SLC30A9: variants seen among roughly 807,000 people sequenced by gnomAD.
SLC30A9 encodes the protein proton-coupled zinc antiporter SLC30A9, mitochondrial.
SLC30A9 carries 58 observed loss-of-function variants against 87.5 expected under a neutral mutation model. The ratio of observed to expected loss-of-function variants is 0.66; its 90% CI spans 0.54 to 0.82. The LOEUF (loss-of-function observed/expected upper bound fraction) is 0.82, where lower values mean the gene tolerates loss of function less well. SLC30A9 is among the 40% of genes least tolerant of loss of function. SLC30A9 has a pLI of 0.00. For missense variants in SLC30A9, 557 were observed against 679.1 expected (o/e 0.82, Z 2.00); for synonymous variants, 234 against 233.0 (o/e 1.00, Z -0.04).
chr4:41,992,470 A>C (rs1258891843), intron 1 of SLC30A9, among the ~76,000 whole-genome samples: 2 of 152,242 alleles, frequency 1.3e-5, no homozygotes, highest in African/African-American at 4.8e-5. Context: ...CTGAAATTAC[A>C]GTGGCTGTTA....
chr4:42,049,659 G>A (rs1158553554), intron 9 of SLC30A9, among the ~76,000 whole-genome samples, 180 bp downstream of exon 9: 1 of 152,166 alleles, frequency 6.6e-6, no homozygotes, highest in African/African-American at 2.4e-5. Context: ...AAAGCAGATT[G>A]TTATGCTTTA....
At chr4:42,016,398 C>T (rs1167822394) in intron 2 of SLC30A9, among the ~76,000 whole-genome samples, 1 of 152,060 alleles carries the variant, frequency 6.6e-6, no homozygotes, top group Admixed American at 6.5e-5. Context: ...AAGAACTTCA[C>T]TGTCTTGATC....
intron 17 of SLC30A9, among the ~76,000 whole-genome samples, chr4:42,084,837 C>G (rs1260390149): frequency 1.3e-5 from 2 of 152,150 alleles, no homozygotes; most frequent in Non-Finnish European, 2.9e-5. Flanking sequence ...TCTGTGGTAG[C>G]CGAGTGTTGT....
intron 4 of SLC30A9, among the ~76,000 whole-genome samples, chr4:42,021,215 A>C (rs1320173246): frequency 6.6e-6 from 1 of 152,162 alleles, no homozygotes; most frequent in Non-Finnish European, 1.5e-5. Context: ...TTCTGACACA[A>C]ATTTTGTGAA....
chr4:42,073,949 T>A (rs980874281), intron 15 of SLC30A9, among the ~76,000 whole-genome samples: 4 of 152,182 alleles, frequency 2.6e-5, no homozygotes, highest in African/African-American at 9.7e-5. Context: ...TAGTTATATG[T>A]AAGAACATAA....
chr4:42,051,768 G>A (rs968798756), intron 9 of SLC30A9, among the ~76,000 whole-genome samples: 2 of 152,102 alleles, frequency 1.3e-5, no homozygotes, highest in African/African-American at 4.8e-5. Flanking sequence ...AATATCAAGA[G>A]TATTCTGTCA....
chr4:42,005,344 A>T lies in SLC30A9; in HGVS notation c.274+3564A>T, dbSNP rs534704662. 5.3e-5 allele frequency among the ~76,000 whole-genome samples: 8 copies of T among 152,274 alleles called. No homozygotes were observed. In the South Asian group the frequency reaches 1.2e-3, roughly 24 times the overall value. The stretch of plus-strand genomic sequence containing the variant: ...ATTCAGTTCTCTGCTTTAGATTTAC[A>T]TTGTGAATTCAGACTGTAACTTGTG... On this transcript the variant is annotated intron_variant, in intron 2 of 17. Transcript: ENST00000264451.
intron 6 of SLC30A9, among the ~76,000 whole-genome samples, chr4:42,023,951 A>G (rs1716082002): frequency 6.6e-6 from 1 of 152,112 alleles, no homozygotes; most frequent in Non-Finnish European, 1.5e-5. Context: ...TGAGAACAGT[A>G]TGGGGGAGAC....
Position 42,078,257 on chromosome 4 carries a change from C to A in SLC30A9, c.1594C>A (p.Leu532Ile). The change falls in exon 17 of 18, where the codon CTT (leucine) becomes ATT (isoleucine). Residue 532 changes from leucine (L) to isoleucine (I), a missense_variant. Coordinates refer to ENST00000264451, the MANE Select transcript of SLC30A9 (RefSeq NM_006345.4). ...KTPEELETFM[L>I]KHGENIIDTL... ...TCCTGAAGAACTAGAGACCTTTATG[C>A]TTAAACATGGAGAAAATATTATTGA... 6.3e-7 allele frequency: 1 copy of A among 1,585,800 alleles called. No individual in the cohort carries two copies. Among genetic ancestry groups the A allele is most frequent in the Non-Finnish European group, 8.6e-7 (1 of 1,161,492 alleles).
At chr4:42,024,867 T>A (rs1716121302) in intron 6 of SLC30A9, among the ~76,000 whole-genome samples, 1 of 152,242 alleles carries the variant, frequency 6.6e-6, no homozygotes, top group South Asian at 2.1e-4. Flanking sequence ...AATTTTTATA[T>A]GTTTTGTTCA....
chr4:42,047,712 A>C (rs758410206), intron 8 of SLC30A9, among the ~76,000 whole-genome samples: 55 of 152,258 alleles, frequency 3.6e-4, no homozygotes, highest in Non-Finnish European at 6.2e-4. Flanking sequence ...CATTTGATCC[A>C]GCAGTCCCAT....
At chr4:42,084,127 T>C (rs1180170670) in intron 17 of SLC30A9, among the ~76,000 whole-genome samples, 7 of 152,336 alleles carry the variant, frequency 4.6e-5, no homozygotes, top group Non-Finnish European at 1.0e-4. Context: ...CTTTTTATTT[T>C]TGCAATTTTT....
chr4:42,005,367 G>C (rs1715158180), intron 2 of SLC30A9, among the ~76,000 whole-genome samples: 1 of 152,182 alleles, frequency 6.6e-6, no homozygotes, highest in African/African-American at 2.4e-5. Flanking sequence ...ACTGTAACTT[G>C]TGTTAGGGTT....
In SLC30A9 at chr4:42,038,928, TAC is replaced by T. The variant is rs1233291655; in HGVS notation, c.670-56_670-55del. On this transcript the variant is annotated intron_variant, in intron 7 of 17. Transcript: ENST00000264451. ...GTTCTGGTCTGTCAAAGCCACCAGT[TAC>T]AGTGCTTCTCTGCAAAATTTTGGAG... 48 of 1,174,722 alleles carry T rather than the reference TAC, an allele frequency of 4.1e-5. No homozygotes were observed. In the East Asian group the frequency reaches 1.1e-3, roughly 27 times the overall value. 72.8% of individuals were successfully genotyped at this position (1,174,722 alleles called of 1,614,324 possible).
At chr4:42,011,541 A>G (rs536908756) in intron 2 of SLC30A9, among the ~76,000 whole-genome samples, 32 of 152,284 alleles carry the variant, frequency 2.1e-4, no homozygotes, top group African/African-American at 7.0e-4. Flanking sequence ...GAGGTATTAG[A>G]ATGAACTCTG....
rs117203642 is a variant in SLC30A9 at position 41,997,201 on chromosome 4, A to G, written c.110-4415A>G. Among the ~76,000 whole-genome samples the G allele has an allele frequency of 8.3e-4, 126 of 151,742 alleles. No homozygotes were observed. The East Asian group carries it at 0.023, about 28-fold the overall frequency. ...CTCTGTTTTTTACTCTGCTCTGGCGAAAAGTTACATCAGCAGTGGTCTTCT... is the reference window on the plus strand; with the variant it reads ...CTCTGTTTTTTACTCTGCTCTGGCGGAAAGTTACATCAGCAGTGGTCTTCT... On this transcript the variant is annotated intron_variant, in intron 1 of 17. Coordinates refer to ENST00000264451, the MANE Select transcript of SLC30A9 (RefSeq NM_006345.4).
intron 6 of SLC30A9, among the ~76,000 whole-genome samples, chr4:42,033,721 A>G (rs1196744613): frequency 1.3e-5 from 2 of 152,084 alleles, no homozygotes; most frequent in Non-Finnish European, 2.9e-5. Flanking sequence ...GACTATAGGC[A>G]CATGCCACCA....
intron 8 of SLC30A9, among the ~76,000 whole-genome samples, chr4:42,045,584 T>TAA (rs34964085): frequency 2.2e-5 from 3 of 134,808 alleles, no homozygotes; most frequent in Admixed American, 7.1e-5. Context: ...GCCTATCAAC[T>TAA]AAAAAAAAAA....
At chr4:42,028,672 C>A (rs1018947428) in intron 6 of SLC30A9, among the ~76,000 whole-genome samples, 1 of 152,180 alleles carries the variant, frequency 6.6e-6, no homozygotes, top group Admixed American at 6.5e-5. Flanking sequence ...TGCTGTTGAA[C>A]CAATAGTATC....
Sources: allele counts gnomAD v4.1 joint callset (sites outside exome capture counted in the v4.1 genomes callset), GRCh38; gene constraint gnomAD v4.1.1; transcripts MANE v1.5; gene names NCBI Gene and HGNC (gene_info 2026-07-23, HGNC 2026-07-21).